Variants in TIMD4 observed in about 807,000 individuals in gnomAD.
TIMD4 encodes T cell immunoglobulin and mucin domain containing 4, also known as T-cell immunoglobulin and mucin domain-containing protein 4.
In TIMD4, 31 loss-of-function variants were observed where a neutral mutation model predicts 41.2. The observed-to-expected ratio is 0.75, with a 90% CI of 0.57 to 1.01. The LOEUF (loss-of-function observed/expected upper bound fraction) is 1.01, where lower values mean the gene tolerates loss of function less well. Ranked by LOEUF, TIMD4 falls within the 50% of genes least tolerant of loss-of-function variation. The pLI is 0.00. For missense variants in TIMD4, 479 were observed against 472.5 expected (o/e 1.01, Z -0.13); for synonymous variants, 204 against 177.1 (o/e 1.15, Z -1.21).
intron 5 of TIMD4, among the ~76,000 whole-genome samples, chr5:156,939,979 C>A (rs970344438): frequency 6.6e-6 from 1 of 152,262 alleles, no homozygotes; most frequent in Non-Finnish European, 1.5e-5. Flanking sequence ...TCGTCTCCGT[C>A]TCCCGCTTTC....
chr5:156,938,467 T>A (rs767376107), intron 5 of TIMD4, among the ~76,000 whole-genome samples: 4 of 152,198 alleles, frequency 2.6e-5, no homozygotes, highest in Non-Finnish European at 5.9e-5. Context: ...CTGGAATTCA[T>A]GGATTAGATA....
At chr5:156,941,188 A>G (rs1581622155) in intron 5 of TIMD4, among the ~76,000 whole-genome samples, 1 of 152,236 alleles carries the variant, frequency 6.6e-6, no homozygotes, top group Non-Finnish European at 1.5e-5. Context: ...GGAAGGCCGC[A>G]GGGTCCTCTG....
chr5:156,933,459 C>A (rs575897739), intron 5 of TIMD4, among the ~76,000 whole-genome samples: 26 of 148,618 alleles, frequency 1.7e-4, no homozygotes, highest in African/African-American at 6.2e-4. Flanking sequence ...GCCCCCCAAC[C>A]CCCCCCCAAA....
chr5:156,925,570 A>C (rs553045603), intron 6 of TIMD4, among the ~76,000 whole-genome samples: 5 of 152,332 alleles, frequency 3.3e-5, no homozygotes, highest in African/African-American at 1.2e-4. Flanking sequence ...TTTCACTTAA[A>C]ATGGCTTGAA....
chr5:156,960,407 T>A (rs1250149014), intron 1 of TIMD4, among the ~76,000 whole-genome samples: 1 of 119,998 alleles, frequency 8.3e-6, no homozygotes, highest in Non-Finnish European at 1.7e-5. Context: ...TCTTCCCCCT[T>A]TTTTTTTTTT....
intron 5 of TIMD4, among the ~76,000 whole-genome samples, chr5:156,947,843 G>T (rs1759772670): frequency 6.6e-6 from 1 of 152,148 alleles, no homozygotes; most frequent in Non-Finnish European, 1.5e-5. Flanking sequence ...TGAAGACAAG[G>T]AGTGAAAGAG....
At chr5:156,944,372 G>T (rs1192565080) in intron 5 of TIMD4, among the ~76,000 whole-genome samples, 1 of 152,102 alleles carries the variant, frequency 6.6e-6, no homozygotes, top group Non-Finnish European at 1.5e-5. Context: ...TTTCAGGAGG[G>T]TCATGCCCTT....
intron 1 of TIMD4, among the ~76,000 whole-genome samples, chr5:156,955,240 G>C (rs2113391620): frequency 6.6e-6 from 1 of 152,262 alleles, no homozygotes; most frequent in Admixed American, 6.5e-5. Flanking sequence ...ACTCTGATTT[G>C]AGTTCCATTC....
Position 156,954,617 on chromosome 5 carries a change from C to T in TIMD4, c.198G>A (p.Glu66=). The change falls in exon 2 of 9, where the codon GAG becomes GAA. Residue 66 remains glutamate, a synonymous_variant. Transcript: ENST00000274532. ...TCATTCCATCAGTGCGGATGAGCGC[C>T]TCCTTGCAACCGGAGTAGGGGCACT... ...KDQCPYSGCK[E]ALIRTDGMRV... 6.2e-7 allele frequency: 1 copy of T among 1,614,218 alleles called. No homozygotes were observed. Among genetic ancestry groups the T allele is most frequent in the South Asian group, 1.1e-5 (1 of 91,084 alleles).
Position 156,963,187 on chromosome 5 carries a change from T to C in TIMD4, c.12A>G (p.Glu4=), listed in dbSNP as rs764103689. MSK[E]PLILWLMIEF... is the part of the protein sequence containing the mutation. ...CAATCATCAGCCAGAGAATGAGAGG[T>C]TCTTTGGACATTTTGACGGTTGACC... The change falls in exon 1 of 9, where the codon GAA becomes GAG. Residue 4 remains glutamate (E), a synonymous_variant. Transcript: ENST00000274532. 1.9e-6 allele frequency: 3 copies of C among 1,613,922 alleles called. No individual in the cohort carries two copies. The African/African-American group carries it at 4.0e-5, about 22-fold the overall frequency.
At chr5:156,928,802 T>C (rs562287925) in intron 5 of TIMD4, among the ~76,000 whole-genome samples, 54 of 152,296 alleles carry the variant, frequency 3.5e-4, no homozygotes, top group African/African-American at 1.3e-3. Context: ...TCTGCAATTA[T>C]CCCCTAGAGC....
intron 1 of TIMD4, among the ~76,000 whole-genome samples, chr5:156,957,611 A>T (rs146907380): frequency 1.3e-5 from 2 of 152,266 alleles, no homozygotes; most frequent in East Asian, 3.9e-4. Flanking sequence ...GTTTATTGTC[A>T]TCACCCTCAG....
chr5:156,943,693 A>T (rs1759686714), intron 5 of TIMD4, among the ~76,000 whole-genome samples: 1 of 152,082 alleles, frequency 6.6e-6, no homozygotes, highest in Admixed American at 6.6e-5. Flanking sequence ...CCTACCCAGT[A>T]GAGAGGAGGC....
At position 156,954,752 on chromosome 5, in the gene TIMD4, T is replaced by A. The variant is rs766663092; in HGVS notation, c.63A>T (p.Pro21=). The A allele has an allele frequency of 1.9e-6, 3 of 1,604,408 alleles. No individual in the cohort carries two copies. In the African/African-American group the frequency reaches 4.0e-5, roughly 21 times the overall value. The change falls in exon 2 of 9, where the codon CCA becomes CCT. Residue 21 remains proline (P), a synonymous_variant. Coordinates refer to ENST00000274532, the MANE Select transcript of TIMD4 (RefSeq NM_138379.3). ...MIEFWWLYLT[P]VTSETVVTEV... ...CCGTCACAACAGTCTCTGAAGTGAC[T>A]GGTGCTGCAAGGAAAAATGCGAAAT...
At position 156,920,465 on chromosome 5, in the gene TIMD4, T is replaced by C; in HGVS notation, c.1051A>G (p.Arg351Gly). ...METYCSQKHT[R>G]LDYIGDSKNV... is the part of the protein sequence containing the mutation. ...ACCCATTCATGCAAGATAGATTACC[T>C]TGTGTGTTTCTGCGAACAATAGGTT... Residue 351 changes from arginine (R) to glycine (G), a missense_variant and splice_region_variant, in exon 8 of 9, where the codon AGG (arginine) becomes GGG (glycine). Transcript: ENST00000274532. 1.2e-6 allele frequency: 2 copies of C among 1,614,014 alleles called. No homozygotes were observed. Among genetic ancestry groups the C allele is most frequent in the Non-Finnish European group, 1.7e-6 (2 of 1,179,892 alleles).
intron 3 of TIMD4, among the ~76,000 whole-genome samples, chr5:156,950,437 G>A (rs903092845): frequency 6.6e-6 from 1 of 152,126 alleles, no homozygotes; most frequent in Non-Finnish European, 1.5e-5. Flanking sequence ...ATTGGTTTAG[G>A]GTTCATGGAT....
At chr5:156,928,011 T>C (rs545105625) in intron 5 of TIMD4, among the ~76,000 whole-genome samples, 12 of 152,016 alleles carry the variant, frequency 7.9e-5, no homozygotes, top group Non-Finnish European at 1.3e-4. Context: ...CCTCAGAGTA[T>C]ATAAGAAATC....
intron 3 of TIMD4, among the ~76,000 whole-genome samples, chr5:156,950,224 T>G (rs1404004069): frequency 1.3e-5 from 2 of 152,188 alleles, no homozygotes; most frequent in Non-Finnish European, 2.9e-5. Flanking sequence ...CGTCAACCTC[T>G]GAAGTAGCTG....
intron 5 of TIMD4, among the ~76,000 whole-genome samples, chr5:156,931,106 T>C (rs1163045854): frequency 6.6e-6 from 1 of 152,136 alleles, no homozygotes; most frequent in Admixed American, 6.5e-5. Flanking sequence ...GCTGCTGACT[T>C]TGAGGATGAA....
Sources: gnomAD v4.1 joint callset for allele counts (sites outside exome capture counted in the v4.1 genomes callset) on GRCh38, gnomAD v4.1.1 for gene constraint, MANE v1.5 for transcripts, NCBI Gene and HGNC (gene_info 2026-07-23, HGNC 2026-07-21) for gene names.